PNLIPRP3: variants seen among roughly 807,000 people sequenced by gnomAD.
The protein encoded by PNLIPRP3 is pancreatic lipase-related protein 3.
PNLIPRP3 carries 58 observed loss-of-function variants against 52.8 expected under a neutral mutation model. The ratio of observed to expected loss-of-function variants is 1.10; its 90% CI spans 0.89 to 1.37. The LOEUF is 1.37. Among genes scored for constraint, PNLIPRP3 ranks in the 40% most tolerant of loss-of-function variants. PNLIPRP3 has a pLI of 0.00. For synonymous variants in PNLIPRP3, 192 were observed against 185.0 expected, an observed-to-expected ratio of 1.04 and a Z score of -0.31; for missense variants, 593 against 561.6, an observed-to-expected ratio of 1.06 and a Z score of -0.57.
intron 5 of PNLIPRP3, among the ~76,000 whole-genome samples, chr10:116,458,927 C>T (rs1176645097): frequency 1.3e-5 from 2 of 152,242 alleles, no homozygotes; most frequent in East Asian, 1.9e-4. Context: ...CTCTCCTTGA[C>T]CCACTGCTAC....
intron 8 of PNLIPRP3, among the ~76,000 whole-genome samples, chr10:116,468,316 A>C (rs2133153541): frequency 6.6e-6 from 1 of 152,248 alleles, no homozygotes; most frequent in Admixed American, 6.5e-5. Context: ...TTGCTAAAGA[A>C]AAATAAAAAT....
chr10:116,452,827 G>A (rs1261141496), intron 4 of PNLIPRP3, among the ~76,000 whole-genome samples: 1 of 152,242 alleles, frequency 6.6e-6, no homozygotes, highest in African/African-American at 2.4e-5. Flanking sequence ...GTGTGCCCAG[G>A]CAGAAGTCTG....
Position 116,448,743 on chromosome 10 carries a change from C to T in PNLIPRP3, c.456+4230C>T, listed in dbSNP as rs773486353. On this transcript the variant is annotated intron_variant, in intron 4 of 11. Transcript: ENST00000369230. The stretch of plus-strand genomic sequence containing the variant: ...TTTTGTTTTGTTTTAGGGCTGGGTG[C>T]GGTGGCCCACACCTGTAATCCCAGC... 1.8e-4 allele frequency among the ~76,000 whole-genome samples: 27 copies of T among 150,264 alleles called. 2 individuals are homozygous for T. Among genetic ancestry groups the T allele is most frequent in the Admixed American group, 1.3e-3 (20 of 15,168 alleles).
chr10:116,435,841 C>T (rs1845766883), intron 1 of PNLIPRP3, among the ~76,000 whole-genome samples: 1 of 152,058 alleles, frequency 6.6e-6, no homozygotes, highest in Admixed American at 6.6e-5. Flanking sequence ...AGAAAACAAT[C>T]CTAAAGTTGT....
chr10:116,428,844 T>G (rs1845671643), intron 1 of PNLIPRP3, among the ~76,000 whole-genome samples: 1 of 152,170 alleles, frequency 6.6e-6, no homozygotes, highest in African/African-American at 2.4e-5. Flanking sequence ...TTGGTTGAGA[T>G]AGTATGGTGG....
intron 1 of PNLIPRP3, among the ~76,000 whole-genome samples, chr10:116,428,837 G>C (rs1190246688): frequency 6.6e-6 from 1 of 152,128 alleles, no homozygotes; most frequent in Non-Finnish European, 1.5e-5. Context: ...CACGTAGTTG[G>C]TTGAGATAGT....
At chr10:116,433,408 C>T (rs1009664242) in intron 1 of PNLIPRP3, among the ~76,000 whole-genome samples, 28 of 152,120 alleles carry the variant, frequency 1.8e-4, no homozygotes, top group African/African-American at 6.0e-4. Context: ...AAGATCTCAT[C>T]CACAAAAGAG....
intron 4 of PNLIPRP3, among the ~76,000 whole-genome samples, chr10:116,447,607 T>A (rs1252507203): frequency 6.6e-6 from 1 of 151,922 alleles, no homozygotes; most frequent in Admixed American, 6.6e-5. Context: ...TAAAAAAATA[T>A]AAAAAGTACC....
At chr10:116,434,988 T>C (rs1288656090) in intron 1 of PNLIPRP3, among the ~76,000 whole-genome samples, 1 of 152,196 alleles carries the variant, frequency 6.6e-6, no homozygotes, top group Non-Finnish European at 1.5e-5. Context: ...TGGAGTAACC[T>C]ACGATGACAC....
chr10:116,455,351 C>CAG (rs10639896), intron 4 of PNLIPRP3, among the ~76,000 whole-genome samples: 141,759 of 152,200 alleles, frequency 0.93, 66,694 homozygotes, highest in Non-Finnish European at 1. Context: ...AGGTGGATAA[C>CAG]TGTAGGAATG....
At chr10:116,477,020 G>A (rs1252502000) in intron 11 of PNLIPRP3, 70 bp from the exon 12 acceptor site, 4 of 1,327,246 alleles carry the variant, frequency 3.0e-6, no homozygotes, top group Non-Finnish European at 4.2e-6. Context: ...TAAATCGGGG[G>A]ATCTACCGTG....
intron 9 of PNLIPRP3, among the ~76,000 whole-genome samples, chr10:116,471,266 G>T (rs1254657619): frequency 6.6e-6 from 1 of 152,230 alleles, no homozygotes; most frequent in East Asian, 1.9e-4. Context: ...CGTGTACTGG[G>T]CATTCTTAGC....
chr10:116,454,150 G>T (rs539117716), intron 4 of PNLIPRP3, among the ~76,000 whole-genome samples: 17 of 151,900 alleles, frequency 1.1e-4, no homozygotes, highest in Non-Finnish European at 2.1e-4. Flanking sequence ...ACGGAGTTTC[G>T]CTCTGTTGCC....
intron 2 of PNLIPRP3, chr10:116,439,502 C>T: frequency 1.3e-6 from 1 of 748,862 alleles, no homozygotes; most frequent in South Asian, 1.4e-5. Flanking sequence ...CTTCTTCATC[C>T]TCCTCTTCCA....
chr10:116,471,779 A>C lies in PNLIPRP3; in HGVS notation c.1072A>C (p.Lys358Gln), dbSNP rs1429265154. 1 of 1,609,380 alleles carries C rather than the reference A, an allele frequency of 6.2e-7. No homozygotes were observed. The highest frequency in any genetic ancestry group is 2.2e-5 in the East Asian group (1 of 44,814). Residue 358 changes from lysine to glutamine, a missense_variant, in exon 10 of 12, where the codon AAA becomes CAA. Transcript: ENST00000369230. ...TTCCTTATATCTAGGTTGGAGGCAC[A>C]AATTGTCTGTTAAACTCAGTGGAAG... The part of the protein sequence containing the change: ...SLSPFARWRH[K>Q]LSVKLSGSEV...
At chr10:116,459,293 A>C (rs373100616) in intron 5 of PNLIPRP3, among the ~76,000 whole-genome samples, 47 of 152,038 alleles carry the variant, frequency 3.1e-4, no homozygotes, top group African/African-American at 9.2e-4. Context: ...AAAAAAAAAA[A>C]AAACACATCC....
chr10:116,435,856 G>A (rs1244866307), intron 1 of PNLIPRP3, among the ~76,000 whole-genome samples: 1 of 152,066 alleles, frequency 6.6e-6, no homozygotes, highest in African/African-American at 2.4e-5. Context: ...AGTTGTTGTG[G>A]AACCACAAAA....
At chr10:116,474,092 GAC>G (rs1383268719) in intron 10 of PNLIPRP3, among the ~76,000 whole-genome samples, 1 of 151,914 alleles carries the variant, frequency 6.6e-6, no homozygotes, top group Non-Finnish European at 1.5e-5. Flanking sequence ...TACAAAAACA[GAC>G]ACATAGACCC....
chr10:116,454,269 C>A (rs1378100534), intron 4 of PNLIPRP3, among the ~76,000 whole-genome samples: 1 of 152,110 alleles, frequency 6.6e-6, no homozygotes, highest in East Asian at 1.9e-4. Flanking sequence ...CAGGCACACA[C>A]CACCACGACT....
Sources: allele counts gnomAD v4.1 joint callset (sites outside exome capture counted in the v4.1 genomes callset), GRCh38; gene constraint gnomAD v4.1.1; transcripts MANE v1.5; gene names NCBI Gene and HGNC (gene_info 2026-07-23, HGNC 2026-07-21).